Variants in JAK1 observed in about 807,000 individuals in gnomAD.
JAK1 encodes the protein tyrosine-protein kinase JAK1.
A neutral mutation model predicts 136.6 loss-of-function variants in JAK1; 16 were observed. The ratio of observed to expected loss-of-function variants is 0.12; its 90% CI spans 0.08 to 0.18. The LOEUF is 0.18. Among genes scored for constraint, JAK1 ranks in the 10% least tolerant of loss-of-function variants. The pLI is 1.00. For missense variants in JAK1, 859 were observed against 1,450.1 expected (o/e 0.59, Z 6.62); for synonymous variants, 492 against 519.5 (o/e 0.95, Z 0.72).
intron 1 of JAK1, among the ~76,000 whole-genome samples, chr1:64,889,722 C>A (rs1056273224): frequency 5.3e-5 from 8 of 152,158 alleles, no homozygotes; most frequent in African/African-American, 1.9e-4. Flanking sequence ...TCTGAAAAAA[C>A]TGGAACTCTC....
chr1:65,010,730 G>A (rs912218406), intron 2 of JAK1, among the ~76,000 whole-genome samples: 8 of 152,134 alleles, frequency 5.3e-5, no homozygotes, highest in East Asian at 3.9e-4. Flanking sequence ...CCTGTAATCC[G>A]AACATTCTGG....
At chr1:65,003,205 C>G (rs566097146) in intron 2 of JAK1, among the ~76,000 whole-genome samples, 5 of 151,924 alleles carry the variant, frequency 3.3e-5, no homozygotes, top group Non-Finnish European at 7.4e-5. Context: ...GTGTCCCGGC[C>G]TGGCTCCAGG....
rs10636048 is a variant in JAK1 at position 64,977,138 on chromosome 1, CTTGTTTGT to C, written c.-78+67334_-78+67341del. Among the ~76,000 whole-genome samples, 38 of 148,384 alleles carry C rather than the reference CTTGTTTGT, an allele frequency of 2.6e-4. No homozygotes were observed. In the South Asian group the frequency reaches 6.8e-3, roughly 27 times the overall value. The stretch of plus-strand genomic sequence containing the variant: ...TATATTGTCCTCACAACAGCTTCAT[CTTGTTTGT>C]TTGTTTGTTTGTTTGTTTGTTGAGA... On this transcript the variant is annotated intron_variant, in intron 2 of 25. Coordinates refer to the JAK1 transcript ENST00000671954.
intron 1 of JAK1, among the ~76,000 whole-genome samples, chr1:64,899,604 TTTCTTGAAGGAAA>T (rs1156508317): frequency 6.6e-6 from 1 of 152,180 alleles, no homozygotes; most frequent in Non-Finnish European, 1.5e-5. Context: ...GACTACCACA[TTTCTTGAAGGAAA>T]TGCTCATTGG....
intron 2 of JAK1, among the ~76,000 whole-genome samples, chr1:65,006,323 T>C (rs182262872): frequency 6.6e-5 from 10 of 152,310 alleles, no homozygotes; most frequent in Admixed American, 3.3e-4. Flanking sequence ...ATTTGCTTCA[T>C]GGCTTTTCTT....
At chr1:64,868,756 T>C (rs1449463391) in intron 6 of JAK1, among the ~76,000 whole-genome samples, 1 of 152,238 alleles carries the variant, frequency 6.6e-6, no homozygotes, top group African/African-American at 2.4e-5. Flanking sequence ...AACTATTGGA[T>C]GTCATAGATG....
chr1:64,889,778 GGAAGA>G (rs1416027593), intron 1 of JAK1, among the ~76,000 whole-genome samples: 2 of 152,144 alleles, frequency 1.3e-5, no homozygotes, highest in African/African-American at 2.4e-5. Context: ...TCTGCGCAAG[GGAAGA>G]ACACACATTT....
chr1:65,026,097 C>A (rs563599563), intron 2 of JAK1, among the ~76,000 whole-genome samples: 1 of 152,304 alleles, frequency 6.6e-6, no homozygotes, highest in East Asian at 1.9e-4. Flanking sequence ...GATATTCACT[C>A]TGAAATCCTG....
intron 2 of JAK1, chr1:64,985,062 C>T (rs1434782049): frequency 7.8e-6 from 7 of 892,666 alleles, no homozygotes; most frequent in Non-Finnish European, 1.3e-5. Flanking sequence ...GAGGATGGAA[C>T]AAAAAGCCAT....
At chr1:65,008,130 T>C (rs560737602) in intron 2 of JAK1, among the ~76,000 whole-genome samples, 1 of 152,258 alleles carries the variant, frequency 6.6e-6, no homozygotes, top group African/African-American at 2.4e-5. Flanking sequence ...ATCCAACCAA[T>C]TGGGATTAGG....
At chr1:64,925,375 G>A (rs1645566533) in intron 1 of JAK1, among the ~76,000 whole-genome samples, 1 of 151,902 alleles carries the variant, frequency 6.6e-6, no homozygotes, top group Non-Finnish European at 1.5e-5. Context: ...CAGCCTGGGA[G>A]ACAAGAGGGA....
intron 3 of JAK1, 106 bp downstream of exon 3, chr1:64,883,171 C>G (rs2101262043): frequency 2.2e-6 from 2 of 910,854 alleles, no homozygotes; most frequent in South Asian, 3.9e-5. Flanking sequence ...ACTCCAGAGT[C>G]CACAACTCTT....
At chr1:64,941,896 C>T (rs753520278) in intron 1 of JAK1, 1 of 152,168 alleles carries the variant, frequency 6.6e-6, no homozygotes, top group Non-Finnish European at 1.5e-5. Flanking sequence ...GTTTACACTA[C>T]AGATCCCCAG....
intron 1 of JAK1, among the ~76,000 whole-genome samples, chr1:64,897,875 T>C (rs1021739564): frequency 1.3e-5 from 2 of 152,126 alleles, no homozygotes; most frequent in African/African-American, 4.8e-5. Flanking sequence ...AATTCAACTG[T>C]GTAAAAATAA....
intron 1 of JAK1, among the ~76,000 whole-genome samples, chr1:64,893,575 A>C (rs963237975): frequency 6.6e-6 from 1 of 152,226 alleles, no homozygotes; most frequent in African/African-American, 2.4e-5. Flanking sequence ...TATCTACTTT[A>C]CAGGGTTGTT....
chr1:64,893,232 A>G (rs1332054588), intron 1 of JAK1, among the ~76,000 whole-genome samples: 1 of 152,204 alleles, frequency 6.6e-6, no homozygotes, highest in East Asian at 1.9e-4. Context: ...TCTTGCAGGA[A>G]AAAGGCAGAC....
intron 1 of JAK1, 108 bp from the exon 2 acceptor site, chr1:64,886,449 A>G (rs1246932788): frequency 3.7e-5 from 20 of 543,048 alleles, no homozygotes; most frequent in Non-Finnish European, 5.7e-5. Flanking sequence ...GGCAAGAAAA[A>G]GCATTTGAGA....
At chr1:65,004,417 G>A (rs1265537381) in intron 2 of JAK1, among the ~76,000 whole-genome samples, 5 of 152,334 alleles carry the variant, frequency 3.3e-5, no homozygotes, top group Admixed American at 1.3e-4. Flanking sequence ...TGCTGGACTC[G>A]TGAGTGACCA....
intron 19 of JAK1, 70 bp downstream of exon 19, chr1:64,841,175 G>T: frequency 9.1e-7 from 1 of 1,097,602 alleles, no homozygotes; most frequent in Non-Finnish European, 1.4e-6. Flanking sequence ...GCAGCTGTAC[G>T]TGCAGAGAGT....
Sources: allele counts gnomAD v4.1 joint callset (sites outside exome capture counted in the v4.1 genomes callset), GRCh38; gene constraint gnomAD v4.1.1; transcripts MANE v1.5; gene names NCBI Gene and HGNC (gene_info 2026-07-23, HGNC 2026-07-21).